The following ROS1 variants were observed in gnomAD, a reference collection of about 807,000 sequenced individuals.
ROS1 encodes the protein proto-oncogene tyrosine-protein kinase ROS.
Under a neutral mutation model 273.5 loss-of-function variants are expected in ROS1, and 263 were observed. That is an observed-to-expected ratio of 0.96 (90% CI 0.87 to 1.06). The LOEUF is 1.06. Ranked by LOEUF, ROS1 falls within the 50% of genes least tolerant of loss-of-function variation. The pLI, the probability that ROS1 is intolerant of heterozygous loss-of-function variation, is 0.00. For missense variants in ROS1, 2,833 were observed against 2,751.1 expected, an observed-to-expected ratio of 1.03 and a Z score of -0.67; for synonymous variants, 1,008 against 954.1, an observed-to-expected ratio of 1.06 and a Z score of -1.04.
intron 18 of ROS1, among the ~76,000 whole-genome samples, chr6:117,371,690 C>T (rs576853312): frequency 2.4e-4 from 37 of 152,290 alleles, no homozygotes; most frequent in African/African-American, 7.9e-4. Flanking sequence ...TTGTAACCTG[C>T]GGCAAGTTCT....
Position 117,318,239 on chromosome 6 carries a change from C to A in ROS1, c.5936G>T (p.Gly1979Val). The A allele has an allele frequency of 6.2e-7, 1 of 1,612,604 alleles. No homozygotes were observed. The highest frequency in any genetic ancestry group is 8.5e-7 in the Non-Finnish European group (1 of 1,179,014). The change falls in exon 38 of 44, where the codon GGT becomes GTT. Residue 1979 changes from glycine (G) to valine (V), a missense_variant. Gly to Val is a moderately radical substitution (Grantham distance 109). Coordinates refer to ENST00000368507, the MANE Select transcript of ROS1 (RefSeq NM_001378902.1). ...IKVAVKTLKK[G>V]STDQEKIEFL... is the part of the protein sequence containing the mutation. ...TTCAATCTTCTCCTGGTCTGTGGAA[C>A]CCTTCTTCAAAGTCTATACAACATA...
intron 25 of ROS1, among the ~76,000 whole-genome samples, chr6:117,357,158 G>A (rs1354487835): frequency 6.6e-6 from 1 of 152,104 alleles, no homozygotes; most frequent in East Asian, 1.9e-4. Flanking sequence ...GGAATATAAT[G>A]ACCTTAGGTG....
intron 27 of ROS1, 102 bp downstream of exon 27, chr6:117,352,888 C>A: frequency 9.3e-7 from 1 of 1,071,174 alleles, no homozygotes; most frequent in Non-Finnish European, 1.4e-6. Flanking sequence ...GATGAGAGCA[C>A]AACAAAGGGG....
intron 41 of ROS1, among the ~76,000 whole-genome samples, chr6:117,309,249 C>A (rs1775354302): frequency 6.6e-6 from 1 of 152,100 alleles, no homozygotes; most frequent in Non-Finnish European, 1.5e-5. Context: ...CAGAAACAGA[C>A]ACACATGCAC....
intron 43 of ROS1, among the ~76,000 whole-genome samples, chr6:117,295,421 G>T (rs538091027): frequency 6.6e-6 from 1 of 152,162 alleles, no homozygotes; most frequent in South Asian, 2.1e-4. Context: ...CCAGGACATT[G>T]GTTGGGGCAA....
intron 13 of ROS1, 76 bp downstream of exon 13, chr6:117,389,274 A>G: frequency 1.3e-6 from 2 of 1,492,126 alleles, no homozygotes. Context: ...TCAAAATTGA[A>G]TCACAACGCC....
At chr6:117,394,774 C>T in intron 9 of ROS1, 36 bp from the exon 10 acceptor site, 2 of 1,561,840 alleles carry the variant, frequency 1.3e-6, no homozygotes, top group African/African-American at 1.4e-5. Flanking sequence ...ACAGGTAGAC[C>T]AACCACAGGT....
intron 5 of ROS1, among the ~76,000 whole-genome samples, chr6:117,408,057 T>C (rs962952452): frequency 6.6e-6 from 1 of 151,856 alleles, no homozygotes; most frequent in South Asian, 2.1e-4. Context: ...TATACAAAAA[T>C]TAATTCAAGA....
At chr6:117,396,378 G>A in intron 8 of ROS1, 114 bp from the exon 9 acceptor site, 4 of 738,550 alleles carry the variant, frequency 5.4e-6, no homozygotes, top group East Asian at 2.5e-5. Flanking sequence ...CAATGCATGA[G>A]TCTAGTTACG....
intron 7 of ROS1, among the ~76,000 whole-genome samples, chr6:117,398,708 C>T (rs1239738367): frequency 1.4e-5 from 2 of 140,628 alleles, no homozygotes; most frequent in South Asian, 2.2e-4. Context: ...CTCGCGGTGA[C>T]TCATGCTTGT....
chr6:117,408,237 T>C (rs1412190507), intron 5 of ROS1, among the ~76,000 whole-genome samples: 4 of 151,666 alleles, frequency 2.6e-5, no homozygotes, highest in Non-Finnish European at 5.9e-5. Context: ...CTAAAGAGCT[T>C]CTGCACAGCA....
Position 117,366,108 on chromosome 6 carries a change from G to T in ROS1, c.2765C>A (p.Thr922Lys), listed in dbSNP as rs1203951044. The T allele has an allele frequency of 6.2e-7, 1 of 1,613,986 alleles. No individual in the cohort carries two copies. Among genetic ancestry groups the T allele is most frequent in the East Asian group, 2.2e-5 (1 of 44,892 alleles). Residue 922 changes from threonine to lysine, a missense_variant, in exon 19 of 44, where the codon ACA (threonine) becomes AAA (lysine). By Grantham distance (78) the Thr-to-Lys change is moderately conservative. Coordinates refer to ENST00000368507, the MANE Select transcript of ROS1 (RefSeq NM_001378902.1). ...GGGCTTAAGGGATGTCTGAATAATTGTGAACTGATTAAATCTGGCTGGTTC... is the reference window on the plus strand; with the variant it reads ...GGGCTTAAGGGATGTCTGAATAATTTTGAACTGATTAAATCTGGCTGGTTC... ...VLEPARFNQFTIIQTSLKPLP... is the reference protein window; with the variant it reads ...VLEPARFNQFKIIQTSLKPLP...
At position 117,287,908 on chromosome 6, in the gene ROS1, A is replaced by C. The variant is rs1773548242; in HGVS notation, c.*584T>G. 7.6e-6 allele frequency among the ~76,000 whole-genome samples: 1 copy of C among 131,840 alleles called. No individual in the cohort carries two copies. The highest frequency in any genetic ancestry group is 3.1e-5 in the African/African-American group (1 of 32,466). The allele number at this position is 131,840 out of a possible 152,430, so 86.5% of individuals were successfully genotyped here. A position where few individuals can be genotyped will look rare whatever the true frequency, so the allele number is the denominator to read the frequency against. Reference sequence around the variant, plus strand: ...ACTCCAGCCTGGGCAACAGAGCAAGACTTCGTCTCAAAAAAAAAAAAAAAA... The same window carrying C: ...ACTCCAGCCTGGGCAACAGAGCAAGCCTTCGTCTCAAAAAAAAAAAAAAAA... On this transcript the variant is annotated 3_prime_UTR_variant, in exon 44 of 44. Coordinates refer to ENST00000368507, the MANE Select transcript of ROS1 (RefSeq NM_001378902.1).
intron 40 of ROS1, among the ~76,000 whole-genome samples, chr6:117,310,755 A>T (rs142127266): frequency 6.6e-6 from 1 of 152,106 alleles, no homozygotes; most frequent in African/African-American, 2.4e-5. Flanking sequence ...TTCATGGTGT[A>T]TATGTGCCAC....
Position 117,393,276 on chromosome 6 carries a change from T to G in ROS1, c.1237A>C (p.Thr413Pro), listed in dbSNP as rs1197436960. 6.2e-7 allele frequency: 1 copy of G among 1,612,046 alleles called. No homozygotes were observed. The change falls in exon 12 of 44, where the codon ACT (threonine) becomes CCT (proline). Residue 413 changes from threonine (T) to proline (P), a missense_variant. Transcript: ENST00000368507. ...LENCSNIEEI[T>P]PPSISAPQKI... ...TGAGGTGCACTAATAGAGGGTGGAG[T>G]AATTTCCTCGATGTTTGAGCAGTTC... is the stretch of plus-strand genomic sequence containing the variant.
intron 37 of ROS1, among the ~76,000 whole-genome samples, chr6:117,318,490 G>T (rs1191523146): frequency 1.3e-5 from 2 of 152,032 alleles, no homozygotes; most frequent in Non-Finnish European, 2.9e-5. Context: ...TCCTCCAAAA[G>T]GTAGAAATTT....
At chr6:117,371,687 C>T (rs943263804) in intron 18 of ROS1, among the ~76,000 whole-genome samples, 9 of 152,172 alleles carry the variant, frequency 5.9e-5, no homozygotes, top group Admixed American at 5.2e-4. Flanking sequence ...GGCTTGTAAC[C>T]TGCGGCAAGT....
chr6:117,309,035 A>T, intron 41 of ROS1, 107 bp from the exon 42 acceptor site: 5 of 1,104,612 alleles, frequency 4.5e-6, no homozygotes, highest in Non-Finnish European at 6.5e-6. Flanking sequence ...CTACTTTGTC[A>T]GTGTATTATT....
At chr6:117,399,878 C>T (rs919153127) in intron 7 of ROS1, among the ~76,000 whole-genome samples, 1 of 152,218 alleles carries the variant, frequency 6.6e-6, no homozygotes, top group Non-Finnish European at 1.5e-5. Flanking sequence ...CTCATTCTCT[C>T]AATCTATTCT....
Sources: allele counts gnomAD v4.1 joint callset (sites outside exome capture counted in the v4.1 genomes callset), GRCh38; gene constraint gnomAD v4.1.1; transcripts MANE v1.5; gene names NCBI Gene and HGNC (gene_info 2026-07-23, HGNC 2026-07-21).